The following SMIM36 variants were observed in gnomAD, a reference collection of about 807,000 sequenced individuals.
The protein encoded by SMIM36 is small integral membrane protein 36.
intron 4 of SMIM36, among the ~76,000 whole-genome samples, chr17:55,459,534 T>C (rs1909098241): frequency 6.6e-6 from 1 of 152,224 alleles, no homozygotes; most frequent in Admixed American, 6.5e-5. Context: ...GTAGGTCTAC[T>C]GTTAGAAATC....
At chr17:55,515,266 G>A (rs1910254804), upstream of SMIM36, among the ~76,000 whole-genome samples, 1 of 151,954 alleles carries the variant, frequency 6.6e-6, no homozygotes, top group Admixed American at 6.6e-5. Flanking sequence ...TATGCTAAGA[G>A]GACATAACCT....
intron 1 of SMIM36, among the ~76,000 whole-genome samples, chr17:55,489,376 A>AAAAAC (rs10676842): frequency 0.78 from 117,894 of 150,230 alleles, 46,735 homozygotes; most frequent in Non-Finnish European, 0.82. Flanking sequence ...CCCTGTCTCC[A>AAAAAC]AAAACAAAAC....
intron 4 of SMIM36, among the ~76,000 whole-genome samples, chr17:55,452,827 G>A (rs1908944100): frequency 6.6e-6 from 1 of 152,158 alleles, no homozygotes; most frequent in Non-Finnish European, 1.5e-5. Context: ...TAATTCCAGT[G>A]ACAACAAAGC....
intron 1 of SMIM36, among the ~76,000 whole-genome samples, chr17:55,481,671 G>C (rs908050303): frequency 6.6e-6 from 1 of 152,126 alleles, no homozygotes; most frequent in Admixed American, 6.6e-5. Context: ...GAATCATAGA[G>C]TTTTAAAGTT....
the SMIM36 span, among the ~76,000 whole-genome samples, chr17:55,525,717 G>C: frequency 1.3e-5 from 2 of 152,060 alleles, no homozygotes; most frequent in Non-Finnish European, 2.9e-5. Flanking sequence ...CAGTGCAGTG[G>C]CGTGATCTCG....
rs146440581 is a variant in SMIM36, at chr17:55,495,174, C to T, written c.*175-15594G>A. Among the ~76,000 whole-genome samples, 314 of 152,212 alleles carry T rather than the reference C, an allele frequency of 2.1e-3. 2 individuals carry two copies. Among genetic ancestry groups the T allele is most frequent in the African/African-American group, 7.2e-3 (298 of 41,524 alleles). On this transcript the variant is annotated intron_variant, in intron 1 of 4. Transcript: ENST00000636752. ...TATATCCAATTCTTTGCATGTTTACCGGACCTCCACCTGTATCTGTGCTAT... is the reference window on the plus strand; with the variant it reads ...TATATCCAATTCTTTGCATGTTTACTGGACCTCCACCTGTATCTGTGCTAT...
At chr17:55,530,013 G>A in the SMIM36 span, among the ~76,000 whole-genome samples, 1 of 152,178 alleles carries the variant, frequency 6.6e-6, no homozygotes, top group East Asian at 1.9e-4. Context: ...GGGATGATGT[G>A]TTTAACTAAT....
chr17:55,456,349 C>T (rs1909023944), intron 4 of SMIM36, among the ~76,000 whole-genome samples: 1 of 152,168 alleles, frequency 6.6e-6, no homozygotes, highest in African/African-American at 2.4e-5. Context: ...TCACCTTTCC[C>T]TGCTGTGCCT....
rs118128918 is a variant in SMIM36, at chr17:55,494,184, T to C, written c.*175-14604A>G. Among the ~76,000 whole-genome samples the C allele has an allele frequency of 3.3e-5, 5 of 152,252 alleles. No individual in the cohort carries two copies. In the East Asian group the frequency reaches 7.7e-4, roughly 23 times the overall value. On this transcript the variant is annotated intron_variant, in intron 1 of 4. Transcript: ENST00000636752. ...GGAGAATTCCTGATATGTTCATTTG[T>C]TTATTGGGTGCTGCGGGGAGGTGAA... is the stretch of plus-strand genomic sequence containing the variant.
intron 1 of SMIM36, among the ~76,000 whole-genome samples, chr17:55,482,007 A>G (rs944858690): frequency 6.6e-6 from 1 of 152,164 alleles, no homozygotes; most frequent in Admixed American, 6.5e-5. Flanking sequence ...AAGCATCATG[A>G]TTTTAATAAA....
intron 1 of SMIM36, among the ~76,000 whole-genome samples, chr17:55,484,473 C>G (rs941482275): frequency 2.6e-5 from 4 of 152,224 alleles, no homozygotes; most frequent in Non-Finnish European, 4.4e-5. Context: ...ATGGCTTGAT[C>G]ATGCTTATAT....
chr17:55,471,960 A>C (rs1281798530), intron 3 of SMIM36, among the ~76,000 whole-genome samples: 2 of 152,122 alleles, frequency 1.3e-5, no homozygotes, highest in East Asian at 3.9e-4. Flanking sequence ...AAGCATTAAT[A>C]TCCTCATCGC....
At chr17:55,497,859 CCCT>C (rs1909836273) in intron 1 of SMIM36, among the ~76,000 whole-genome samples, 3 of 152,152 alleles carry the variant, frequency 2.0e-5, no homozygotes, top group Non-Finnish European at 1.5e-5. Context: ...ATGTAACTGA[CCCT>C]AAAGAGCTTT....
At chr17:55,499,327 G>A (rs1909868820) in intron 1 of SMIM36, among the ~76,000 whole-genome samples, 1 of 152,146 alleles carries the variant, frequency 6.6e-6, no homozygotes, top group African/African-American at 2.4e-5. Context: ...GTTTATTCCT[G>A]CTCTTTAATA....
chr17:55,480,025 C>A (rs1909493124), intron 1 of SMIM36, among the ~76,000 whole-genome samples: 1 of 152,158 alleles, frequency 6.6e-6, no homozygotes, highest in African/African-American at 2.4e-5. Context: ...CCCCCACTCC[C>A]TCTGTGTAGC....
At chr17:55,454,815 A>G (rs767121548) in intron 4 of SMIM36, among the ~76,000 whole-genome samples, 15 of 152,256 alleles carry the variant, frequency 9.9e-5, no homozygotes, top group Non-Finnish European at 2.1e-4. Context: ...TAAAATCTTC[A>G]CGATGCATCA....
the SMIM36 span, chr17:55,526,843 G>A: frequency 6.6e-6 from 1 of 152,064 alleles, no homozygotes; most frequent in Non-Finnish European, 1.5e-5. Context: ...TCAAGGAACT[G>A]TTTTCCCCTA....
chr17:55,530,388 A>G, the SMIM36 span, among the ~76,000 whole-genome samples: 61,925 of 152,050 alleles, frequency 0.41, 13,536 homozygotes, highest in East Asian at 0.59. Context: ...TCCTTTGGCA[A>G]TTGAAATATT....
At chr17:55,468,548 A>T (rs1482323609) in intron 3 of SMIM36, 1 of 152,812 alleles carries the variant, frequency 6.5e-6, no homozygotes, top group Non-Finnish European at 1.5e-5. Flanking sequence ...CTGGTGTCTG[A>T]TCACCGTGGG....
Sources: allele counts gnomAD v4.1 joint callset (sites outside exome capture counted in the v4.1 genomes callset), GRCh38; gene constraint gnomAD v4.1.1; transcripts MANE v1.5; gene names NCBI Gene and HGNC (gene_info 2026-07-23, HGNC 2026-07-21).